TAFA1: variants seen among roughly 807,000 people sequenced by gnomAD.
TAFA1 encodes TAFA chemokine like family member 1.
Under a neutral mutation model 18.5 loss-of-function variants are expected in TAFA1, and 4 were observed. That is an observed-to-expected ratio of 0.22 (90% CI 0.11 to 0.49). The LOEUF is 0.49. Among genes scored for constraint, TAFA1 ranks in the 20% least tolerant of loss-of-function variants. The pLI is 0.98. For synonymous variants in TAFA1, 56 were observed against 55.2 expected (o/e 1.01, Z -0.06); for missense variants, 147 against 169.0 (o/e 0.87, Z 0.72).
chr3:68,432,078 G>A (rs1196060992), intron 3 of TAFA1, among the ~76,000 whole-genome samples: 1 of 151,920 alleles, frequency 6.6e-6, no homozygotes, highest in Non-Finnish European at 1.5e-5. Context: ...TTAACCACCA[G>A]GGCCGGATGG....
intron 2 of TAFA1, among the ~76,000 whole-genome samples, chr3:68,036,325 G>C (rs1031667831): frequency 6.6e-6 from 1 of 151,472 alleles, no homozygotes; most frequent in Admixed American, 6.6e-5. Context: ...TGTAATCCCA[G>C]CTACTCAGGA....
Position 68,065,728 on chromosome 3 carries a change from ATGTGTG to A in TAFA1, c.118+58992_118+58997del, listed in dbSNP as rs71884644. Among the ~76,000 whole-genome samples, 287 of 142,414 alleles carry A rather than the reference ATGTGTG, an allele frequency of 2.0e-3. 1 individual carries two copies. Among genetic ancestry groups the A allele is most frequent in the Middle Eastern group, 7.4e-3 (2 of 272 alleles). The allele number at this position is 142,414 out of a possible 152,430, so 93.4% of individuals were successfully genotyped here. A position where few individuals can be genotyped will look rare whatever the true frequency, so the allele number is the denominator to read the frequency against. The stretch of plus-strand genomic sequence containing the variant: ...TGTGTATACATAGATGTTTGTGTGT[ATGTGTG>A]TGTGTGTATATATATATATATATAT... On this transcript the variant is annotated intron_variant, in intron 2 of 4. Coordinates refer to ENST00000478136, the MANE Select transcript of TAFA1 (RefSeq NM_213609.4).
intron 2 of TAFA1, among the ~76,000 whole-genome samples, chr3:68,320,982 T>A (rs1388507): frequency 0.14 from 21,255 of 152,078 alleles, 1,807 homozygotes; most frequent in East Asian, 0.37. Flanking sequence ...AGAGTAGACG[T>A]TTCCACTTTT....
chr3:68,360,431 C>T (rs999952921), intron 2 of TAFA1, among the ~76,000 whole-genome samples: 1 of 151,922 alleles, frequency 6.6e-6, no homozygotes, highest in African/African-American at 2.4e-5. Flanking sequence ...ACTAAGTTTT[C>T]ATCATAGAGC....
chr3:68,254,662 G>A (rs1329138814), intron 2 of TAFA1, among the ~76,000 whole-genome samples: 1 of 151,992 alleles, frequency 6.6e-6, no homozygotes, highest in Non-Finnish European at 1.5e-5. Flanking sequence ...GGTAAAGGAA[G>A]GGTAAAGATA....
intron 3 of TAFA1, among the ~76,000 whole-genome samples, chr3:68,431,952 G>A (rs996089460): frequency 1.3e-4 from 19 of 151,952 alleles, no homozygotes; most frequent in African/African-American, 4.1e-4. Flanking sequence ...CATGACTGGG[G>A]GCTACATACA....
At chr3:68,243,946 T>G (rs566021119) in intron 2 of TAFA1, among the ~76,000 whole-genome samples, 1 of 152,302 alleles carries the variant, frequency 6.6e-6, no homozygotes, top group Admixed American at 6.5e-5. Context: ...TCACCAGCAT[T>G]TGGTGTGATC....
chr3:68,127,641 C>A (rs1352184015), intron 2 of TAFA1, among the ~76,000 whole-genome samples: 4 of 147,552 alleles, frequency 2.7e-5, no homozygotes, highest in African/African-American at 5.0e-5. Flanking sequence ...GGTGGTGATG[C>A]TGATGACAGT....
At chr3:68,269,898 A>C (rs780162408) in intron 2 of TAFA1, among the ~76,000 whole-genome samples, 18 of 152,176 alleles carry the variant, frequency 1.2e-4, no homozygotes, top group Non-Finnish European at 2.4e-4. Context: ...GACTCTATGC[A>C]TGTTGTAACT....
At chr3:68,464,910 C>G (rs946312105) in intron 3 of TAFA1, among the ~76,000 whole-genome samples, 3 of 152,122 alleles carry the variant, frequency 2.0e-5, no homozygotes, top group Non-Finnish European at 4.4e-5. Flanking sequence ...ACTGCTGAGG[C>G]AGATACTGTT....
At chr3:68,453,773 C>T (rs777585621) in intron 3 of TAFA1, among the ~76,000 whole-genome samples, 3 of 152,116 alleles carry the variant, frequency 2.0e-5, no homozygotes, top group East Asian at 1.9e-4. Context: ...TATTCATCAA[C>T]GCCATGATTT....
At chr3:68,443,028 C>T (rs1042488716) in intron 3 of TAFA1, among the ~76,000 whole-genome samples, 10 of 152,252 alleles carry the variant, frequency 6.6e-5, no homozygotes, top group East Asian at 5.8e-4. Context: ...ACCTCTGTAT[C>T]GTGGCTCTGT....
chr3:68,172,145 A>C (rs1477169509), intron 2 of TAFA1, among the ~76,000 whole-genome samples: 2 of 152,200 alleles, frequency 1.3e-5, no homozygotes, highest in African/African-American at 4.8e-5. Flanking sequence ...AATAAAACTC[A>C]CACCTATATA....
At chr3:68,111,051 G>C (rs1003196955) in intron 2 of TAFA1, among the ~76,000 whole-genome samples, 1 of 152,194 alleles carries the variant, frequency 6.6e-6, no homozygotes. Context: ...TGAGCTGCTA[G>C]GGCATAGCTG....
intron 3 of TAFA1, among the ~76,000 whole-genome samples, chr3:68,455,303 A>G (rs1419304216): frequency 6.6e-6 from 1 of 152,016 alleles, no homozygotes; most frequent in Non-Finnish European, 1.5e-5. Flanking sequence ...CTGGAGAGGC[A>G]GGCATACTTG....
chr3:68,219,738 T>TA, intron 2 of TAFA1, among the ~76,000 whole-genome samples: 1 of 152,134 alleles, frequency 6.6e-6, no homozygotes. Flanking sequence ...AGTAACCTAA[T>TA]CAAGGGAATG....
intron 3 of TAFA1, 63 bp from the exon 4 acceptor site, chr3:68,538,693 C>T (rs1282407928): frequency 6.4e-7 from 1 of 1,572,588 alleles, no homozygotes; most frequent in Non-Finnish European, 8.7e-7. Flanking sequence ...CAGAGGGACA[C>T]AACGTCAGTG....
chr3:68,384,846 C>T (rs1307927372), intron 2 of TAFA1, among the ~76,000 whole-genome samples: 1 of 152,002 alleles, frequency 6.6e-6, no homozygotes, highest in Non-Finnish European at 1.5e-5. Context: ...AATCTGCGTG[C>T]TTCTGCATTG....
intron 2 of TAFA1, among the ~76,000 whole-genome samples, chr3:68,262,320 TA>T (rs2067445443): frequency 9.3e-5 from 7 of 75,528 alleles, no homozygotes; most frequent in African/African-American, 6.0e-5. Flanking sequence ...TATATATATA[TA>T]TATATATATA....
Sources: allele counts gnomAD v4.1 joint callset (sites outside exome capture counted in the v4.1 genomes callset), GRCh38; gene constraint gnomAD v4.1.1; transcripts MANE v1.5; gene names NCBI Gene and HGNC (gene_info 2026-07-23, HGNC 2026-07-21).